SEMA3D: variants seen among roughly 807,000 people sequenced by gnomAD.
SEMA3D encodes the protein semaphorin-3D.
A neutral mutation model predicts 100.1 loss-of-function variants in SEMA3D; 84 were observed. The ratio of observed to expected loss-of-function variants is 0.84; its 90% CI spans 0.70 to 1.01. The LOEUF is 1.01. Among genes scored for constraint, SEMA3D ranks in the 50% least tolerant of loss-of-function variants. The pLI is 0.00. For synonymous variants in SEMA3D, 312 were observed against 320.7 expected (o/e 0.97, Z 0.29); for missense variants, 875 against 934.1 (o/e 0.94, Z 0.82).
intron 18 of SEMA3D, among the ~76,000 whole-genome samples, chr7:85,000,186 A>AG (rs2115700971): frequency 6.6e-6 from 1 of 152,282 alleles, no homozygotes; most frequent in East Asian, 1.9e-4. Flanking sequence ...AAAAACTGGA[A>AG]ACCATCAAGT....
intron 12 of SEMA3D, among the ~76,000 whole-genome samples, chr7:85,023,253 G>A (rs1790304767): frequency 6.6e-6 from 1 of 151,694 alleles, no homozygotes; most frequent in Admixed American, 6.6e-5. Context: ...TAAATCAATA[G>A]TTAGCATGAC....
chr7:85,139,549 A>G (rs1017858800), intron 2 of SEMA3D, among the ~76,000 whole-genome samples: 1 of 152,072 alleles, frequency 6.6e-6, no homozygotes, highest in Non-Finnish European at 1.5e-5. Flanking sequence ...GATGAATGCT[A>G]TTCTTTAAGA....
At chr7:85,175,200 T>G (rs775951375) in intron 1 of SEMA3D, among the ~76,000 whole-genome samples, 3 of 152,198 alleles carry the variant, frequency 2.0e-5, no homozygotes, top group Non-Finnish European at 4.4e-5. Flanking sequence ...GACTATTCAC[T>G]GTACACTATT....
chr7:85,137,236 T>C (rs1562831601), intron 2 of SEMA3D, among the ~76,000 whole-genome samples: 1 of 151,994 alleles, frequency 6.6e-6, no homozygotes, highest in Non-Finnish European at 1.5e-5. Flanking sequence ...ACATATGGTA[T>C]ATATGATATA....
chr7:85,062,418 G>T (rs551612207), intron 8 of SEMA3D, among the ~76,000 whole-genome samples: 1 of 152,018 alleles, frequency 6.6e-6, no homozygotes, highest in Non-Finnish European at 1.5e-5. Context: ...AAAGAACAAG[G>T]TCAACAGATA....
intron 1 of SEMA3D, among the ~76,000 whole-genome samples, chr7:85,181,204 A>G (rs1463671262): frequency 6.6e-6 from 1 of 152,110 alleles, no homozygotes; most frequent in Non-Finnish European, 1.5e-5. Flanking sequence ...CTTGCTTTCT[A>G]ATGCTGTTAT....
the SEMA3D span, among the ~76,000 whole-genome samples, chr7:85,230,193 C>A: frequency 2.6e-5 from 3 of 117,498 alleles, no homozygotes; most frequent in African/African-American, 1.2e-4. Context: ...CATGACATTT[C>A]TCTGTGTCTC....
At chr7:85,151,031 G>A (rs941149343) in intron 2 of SEMA3D, among the ~76,000 whole-genome samples, 1 of 151,478 alleles carries the variant, frequency 6.6e-6, no homozygotes, top group African/African-American at 2.4e-5. Flanking sequence ...TCACCTGAAA[G>A]TTTCTCAAAT....
At chr7:85,056,544 G>A (rs1220940860) in intron 8 of SEMA3D, among the ~76,000 whole-genome samples, 1 of 150,728 alleles carries the variant, frequency 6.6e-6, no homozygotes, top group African/African-American at 2.4e-5. Flanking sequence ...TATACATATA[G>A]CATATATAAG....
the SEMA3D span, among the ~76,000 whole-genome samples, chr7:85,195,217 C>T: frequency 6.6e-6 from 1 of 152,006 alleles, no homozygotes; most frequent in African/African-American, 2.4e-5. Context: ...TTATTCTGCC[C>T]CTTATTTTAA....
At chr7:85,140,614 A>G in intron 2 of SEMA3D, 2 of 916,096 alleles carry the variant, frequency 2.2e-6, no homozygotes, top group Non-Finnish European at 2.6e-6. Flanking sequence ...TATAATAATC[A>G]TATTATTTAC....
At chr7:85,063,717 A>G (rs555670731) in intron 8 of SEMA3D, among the ~76,000 whole-genome samples, 61 of 152,278 alleles carry the variant, frequency 4.0e-4, no homozygotes, top group African/African-American at 1.4e-3. Flanking sequence ...TCATGCTATT[A>G]AAAAACATGC....
chr7:85,207,150 T>C, the SEMA3D span, among the ~76,000 whole-genome samples: 2 of 152,238 alleles, frequency 1.3e-5, no homozygotes, highest in Middle Eastern at 3.4e-3. Flanking sequence ...AAGATTTTTT[T>C]ACATCCTTTA....
At chr7:85,122,296 T>C (rs1789448044) in intron 2 of SEMA3D, among the ~76,000 whole-genome samples, 1 of 152,062 alleles carries the variant, frequency 6.6e-6, no homozygotes, top group Non-Finnish European at 1.5e-5. Context: ...ATTATAATGT[T>C]CTGAATGTAT....
At chr7:85,176,535 G>A (rs1225686088) in intron 1 of SEMA3D, among the ~76,000 whole-genome samples, 1 of 152,060 alleles carries the variant, frequency 6.6e-6, no homozygotes, top group Non-Finnish European at 1.5e-5. Flanking sequence ...AGAAACTCCA[G>A]TTAACTGTGA....
At chr7:85,094,445 T>TGA (rs1008000372) in intron 4 of SEMA3D, among the ~76,000 whole-genome samples, 11 of 152,118 alleles carry the variant, frequency 7.2e-5, no homozygotes, top group African/African-American at 2.6e-4. Flanking sequence ...ATTTGCCACA[T>TGA]TATCAGCTTG....
intron 1 of SEMA3D, among the ~76,000 whole-genome samples, chr7:85,180,712 A>G (rs983527083): frequency 1.3e-5 from 2 of 152,228 alleles, no homozygotes; most frequent in African/African-American, 4.8e-5. Context: ...AAGTCCATAC[A>G]TTATTCAGAT....
chr7:85,209,086 A>G, the SEMA3D span, among the ~76,000 whole-genome samples: 1 of 152,152 alleles, frequency 6.6e-6, no homozygotes, highest in Admixed American at 6.6e-5. Flanking sequence ...TATGTTAATT[A>G]AAATCAGTTT....
At position 85,015,080 on chromosome 7, in the gene SEMA3D, C is replaced by A; in HGVS notation, c.1682G>T (p.Arg561Leu). Residue 561 changes from arginine (R) to leucine (L), a missense_variant, in exon 16 of 19, where the codon CGA becomes CTA. Arg to Leu is a moderately radical substitution (Grantham distance 102, BLOSUM62 -2). Coordinates refer to ENST00000284136, the MANE Select transcript of SEMA3D (RefSeq NM_001384900.1). ...TTACCTTTTAGAAGTAGGAGCATAT[C>A]GAGAGCATGCATTTCCATCCCAGGC... is the stretch of plus-strand genomic sequence containing the variant. ...YCAWDGNACS[R>L]YAPTSKRRAR... The A allele has an allele frequency of 6.2e-7, 1 of 1,611,312 alleles. No homozygotes were observed. Among genetic ancestry groups the A allele is most frequent in the South Asian group, 1.1e-5 (1 of 91,000 alleles).
Sources: gnomAD v4.1 joint callset for allele counts (sites outside exome capture counted in the v4.1 genomes callset) on GRCh38, gnomAD v4.1.1 for gene constraint, MANE v1.5 for transcripts, NCBI Gene and HGNC (gene_info 2026-07-23, HGNC 2026-07-21) for gene names.